The following WDPCP variants were observed in gnomAD, a reference collection of about 807,000 sequenced individuals.
WDPCP encodes WD repeat-containing and planar cell polarity effector protein fritz homolog.
In WDPCP, 71 loss-of-function variants were observed where a neutral mutation model predicts 93.1. That is an observed-to-expected ratio of 0.76 (90% CI 0.63 to 0.93). WDPCP has a LOEUF of 0.93. WDPCP is among the 40% of genes least tolerant of loss of function. WDPCP has a pLI of 0.00. For missense variants in WDPCP, 844 were observed against 887.4 expected (o/e 0.95, Z 0.62); for synonymous variants, 315 against 315.0 (o/e 1.00, Z 0.00).
chr2:63,277,027 T>G (rs1278407016), intron 13 of WDPCP, among the ~76,000 whole-genome samples: 1 of 152,188 alleles, frequency 6.6e-6, no homozygotes, highest in Admixed American at 6.5e-5. Flanking sequence ...AACGCATATT[T>G]CTCAGCAGAA....
At chr2:63,819,358 G>A (rs887458760) in intron 1 of WDPCP, among the ~76,000 whole-genome samples, 1 of 151,450 alleles carries the variant, frequency 6.6e-6, no homozygotes, top group Non-Finnish European at 1.5e-5. Flanking sequence ...GTTATTACCT[G>A]CATTGTTATT....
chr2:63,670,328 G>T (rs1019154038), intron 2 of WDPCP, among the ~76,000 whole-genome samples: 2 of 152,108 alleles, frequency 1.3e-5, no homozygotes, highest in Admixed American at 6.5e-5. Context: ...TGGCTACAGA[G>T]CCCCTTTTCC....
rs142191253 is a variant in WDPCP, at chr2:63,669,699, A to C, written n.309-18861T>G. Among the ~76,000 whole-genome samples the C allele has an allele frequency of 1.5e-4, 23 of 152,310 alleles. No individual in the cohort carries two copies. The East Asian group carries it at 4.0e-3, about 27-fold the overall frequency. ...AAGAGTATATTCTCTTGTTAGATAC[A>C]TTTAAAAAGCTCTTCTCTTGTTACA... On this transcript the variant is annotated intron_variant and non_coding_transcript_variant, in intron 2 of 4. Coordinates refer to the WDPCP transcript ENST00000467687.
intron 13 of WDPCP, among the ~76,000 whole-genome samples, chr2:63,260,295 C>T (rs541868833): frequency 1.2e-4 from 18 of 152,050 alleles, no homozygotes; most frequent in South Asian, 6.2e-4. Context: ...CTTTTTGCTA[C>T]GCGGAATGAT....
chr2:63,602,356 T>G (rs944783956), intron 3 of WDPCP, among the ~76,000 whole-genome samples: 12 of 147,794 alleles, frequency 8.1e-5, no homozygotes, highest in South Asian at 2.1e-4. Flanking sequence ...GGTTTTTTTT[T>G]TTTTTTTTTT....
intron 6 of WDPCP, among the ~76,000 whole-genome samples, chr2:63,453,935 A>C: frequency 9.0e-6 from 1 of 111,692 alleles, no homozygotes. Flanking sequence ...AACATCACAC[A>C]CTGGGGCCTG....
chr2:63,636,221 G>A (rs1709919355), intron 3 of WDPCP, among the ~76,000 whole-genome samples: 1 of 152,016 alleles, frequency 6.6e-6, no homozygotes, highest in South Asian at 2.1e-4. Context: ...ATAAACAAAT[G>A]GAAAGATATC....
At chr2:63,493,730 A>G (rs961645997) in intron 1 of WDPCP, among the ~76,000 whole-genome samples, 1 of 152,078 alleles carries the variant, frequency 6.6e-6, no homozygotes, top group Non-Finnish European at 1.5e-5. Context: ...CAAAAGTTTG[A>G]AAGGAATTTA....
At chr2:63,631,560 T>A (rs1012682751) in intron 3 of WDPCP, among the ~76,000 whole-genome samples, 2 of 152,158 alleles carry the variant, frequency 1.3e-5, no homozygotes, top group Non-Finnish European at 1.5e-5. Context: ...TAACAAAAAA[T>A]AATAATTAAA....
chr2:63,232,231 G>A (rs1202563076), intron 14 of WDPCP, among the ~76,000 whole-genome samples: 3 of 152,164 alleles, frequency 2.0e-5, no homozygotes, highest in Non-Finnish European at 2.9e-5. Flanking sequence ...AAAAACCCTA[G>A]AAGCAAACGT....
At chr2:63,274,138 T>C (rs1347531857) in intron 13 of WDPCP, among the ~76,000 whole-genome samples, 1 of 152,090 alleles carries the variant, frequency 6.6e-6, no homozygotes, top group African/African-American at 2.4e-5. Flanking sequence ...AAAAAAATCG[T>C]ATCAAGTATC....
intron 1 of WDPCP, among the ~76,000 whole-genome samples, chr2:63,823,688 C>T (rs1025189444): frequency 2.0e-5 from 3 of 152,074 alleles, no homozygotes; most frequent in African/African-American, 7.2e-5. Context: ...CCCCTAAATA[C>T]ACTCTCCCCC....
At chr2:63,534,617 T>C (rs986865155) in intron 1 of WDPCP, among the ~76,000 whole-genome samples, 5 of 152,190 alleles carry the variant, frequency 3.3e-5, no homozygotes, top group African/African-American at 1.2e-4. Context: ...AACCACATGA[T>C]TATCTCAATA....
At chr2:63,219,879 A>G (rs903228388) in intron 14 of WDPCP, among the ~76,000 whole-genome samples, 1 of 151,918 alleles carries the variant, frequency 6.6e-6, no homozygotes, top group Non-Finnish European at 1.5e-5. Flanking sequence ...GGCAGCACCT[A>G]TAGTCCCAGC....
At chr2:63,242,258 C>T (rs1221770105) in intron 14 of WDPCP, among the ~76,000 whole-genome samples, 6 of 152,070 alleles carry the variant, frequency 3.9e-5, no homozygotes, top group Non-Finnish European at 7.3e-5. Flanking sequence ...AGCATAGTAT[C>T]TGCAAGATCA....
intron 10 of WDPCP, among the ~76,000 whole-genome samples, chr2:63,386,611 T>G (rs1196690661): frequency 6.6e-6 from 1 of 152,084 alleles, no homozygotes; most frequent in East Asian, 1.9e-4. Context: ...ACACAATCAT[T>G]TTAGAAAACA....
At chr2:63,434,035 G>T in intron 8 of WDPCP, 99 bp from the exon 9 acceptor site, 1 of 1,249,578 alleles carries the variant, frequency 8.0e-7, no homozygotes, top group Non-Finnish European at 1.1e-6. Flanking sequence ...GTAGTTACAT[G>T]CAAGTAAATA....
At chr2:63,664,996 C>T (rs1003619517) in intron 2 of WDPCP, among the ~76,000 whole-genome samples, 3 of 152,166 alleles carry the variant, frequency 2.0e-5, no homozygotes, top group African/African-American at 2.4e-5. Flanking sequence ...AGCAAACATA[C>T]ATTTAGGGAG....
intron 13 of WDPCP, among the ~76,000 whole-genome samples, chr2:63,290,375 T>A (rs2105006351): frequency 6.6e-6 from 1 of 152,150 alleles, no homozygotes; most frequent in East Asian, 1.9e-4. Context: ...CCTCCTCTGA[T>A]GTTGCTGTTA....
Sources: gnomAD v4.1 joint callset for allele counts (sites outside exome capture counted in the v4.1 genomes callset) on GRCh38, gnomAD v4.1.1 for gene constraint, MANE v1.5 for transcripts, NCBI Gene and HGNC (gene_info 2026-07-23, HGNC 2026-07-21) for gene names.